UBE2E3: variants seen among roughly 807,000 people sequenced by gnomAD.
The protein encoded by UBE2E3 is ubiquitin-conjugating enzyme E2 E3.
Under a neutral mutation model 23.6 loss-of-function variants are expected in UBE2E3, and 5 were observed. That is an observed-to-expected ratio of 0.21 (90% CI 0.11 to 0.44). The LOEUF is 0.44. UBE2E3 is among the 20% of genes least tolerant of loss of function. UBE2E3 has a pLI of 0.99. For missense variants in UBE2E3, 81 were observed against 249.8 expected, an observed-to-expected ratio of 0.32 and a Z score of 4.55; for synonymous variants, 78 against 87.5, an observed-to-expected ratio of 0.89 and a Z score of 0.60.
At chr2:181,059,939 G>A (rs1320103295) in intron 4 of UBE2E3, among the ~76,000 whole-genome samples, 3 of 151,362 alleles carry the variant, frequency 2.0e-5, no homozygotes, top group Non-Finnish European at 4.4e-5. Flanking sequence ...TTATGAATTA[G>A]CTATCCAATT....
At position 181,017,568 on chromosome 2, in the gene UBE2E3, A is replaced by G. The variant is rs552368783; in HGVS notation, c.245+33475A>G. On this transcript the variant is annotated intron_variant, in intron 3 of 5. Transcript: ENST00000410062. ...AGTCACCTCATGGAAATGCGGTAAT[A>G]TGCATACCATCCTTTTGGGAAATGT... Among the ~76,000 whole-genome samples the G allele has an allele frequency of 9.2e-5, 14 of 151,838 alleles. No homozygotes were observed. The East Asian group carries it at 2.5e-3, about 27-fold the overall frequency.
intron 3 of UBE2E3, among the ~76,000 whole-genome samples, chr2:181,029,659 C>CTTTTTTTTTTTTTTTTTTT: frequency 8.6e-6 from 1 of 116,844 alleles, no homozygotes; most frequent in East Asian, 2.7e-4. Flanking sequence ...TGTAGACAAT[C>CTTTTTTTTTTTTTTTTTTT]TTTTTTTTTT....
intron 3 of UBE2E3, among the ~76,000 whole-genome samples, chr2:181,032,181 C>CT (rs375573781): frequency 6.6e-6 from 1 of 152,082 alleles, no homozygotes; most frequent in Non-Finnish European, 1.5e-5. Context: ...GCAAAATTAA[C>CT]TTTTTTTGTT....
intron 3 of UBE2E3, among the ~76,000 whole-genome samples, chr2:181,057,082 A>C (rs1226848163): frequency 6.6e-6 from 1 of 151,744 alleles, no homozygotes; most frequent in Non-Finnish European, 1.5e-5. Flanking sequence ...AAAGTTAAAG[A>C]AAGGCGGAAA....
At chr2:181,042,463 A>G (rs915532274) in intron 3 of UBE2E3, among the ~76,000 whole-genome samples, 3 of 152,184 alleles carry the variant, frequency 2.0e-5, no homozygotes, top group East Asian at 3.8e-4. Flanking sequence ...AAGTCCTTCT[A>G]TTTATTAATT....
chr2:181,015,801 T>C lies in UBE2E3; in HGVS notation c.245+31708T>C, dbSNP rs533420917. Among the ~76,000 whole-genome samples the C allele has an allele frequency of 3.3e-5, 5 of 152,214 alleles. No individual in the cohort carries two copies. In the East Asian group the frequency reaches 9.6e-4, roughly 29 times the overall value. On this transcript the variant is annotated intron_variant, in intron 3 of 5. Coordinates refer to ENST00000410062, the MANE Select transcript of UBE2E3 (RefSeq NM_006357.4). ...ACTGGAGTATAATCACTAAAATGAT[T>C]ACATGGTCCTTGTTCCATATACTAG...
At chr2:181,005,091 G>A (rs1292377334) in intron 3 of UBE2E3, among the ~76,000 whole-genome samples, 3 of 152,178 alleles carry the variant, frequency 2.0e-5, no homozygotes, top group Non-Finnish European at 4.4e-5. Flanking sequence ...AACCAAACCA[G>A]CTTAAGTAAA....
chr2:181,006,613 A>C (rs1479022491), intron 3 of UBE2E3, among the ~76,000 whole-genome samples: 1 of 152,110 alleles, frequency 6.6e-6, no homozygotes, highest in African/African-American at 2.4e-5. Flanking sequence ...TTAACTGAGT[A>C]GTTTCTGTTT....
chr2:181,061,545 T>C (rs1248926911), intron 5 of UBE2E3, among the ~76,000 whole-genome samples: 3 of 151,636 alleles, frequency 2.0e-5, no homozygotes, highest in African/African-American at 7.3e-5. Flanking sequence ...TGTTCTCCCT[T>C]CCTTTTTTAA....
intron 3 of UBE2E3, among the ~76,000 whole-genome samples, chr2:180,996,274 C>T (rs1436268000): frequency 1.3e-5 from 2 of 152,144 alleles, no homozygotes; most frequent in Non-Finnish European, 2.9e-5. Flanking sequence ...TTGTTTCAAA[C>T]ATGACATTCT....
chr2:181,037,702 T>A, intron 3 of UBE2E3, among the ~76,000 whole-genome samples: 1 of 152,160 alleles, frequency 6.6e-6, no homozygotes, highest in East Asian at 1.9e-4. Context: ...ACAGCCAGGC[T>A]CACACCTGTA....
intron 3 of UBE2E3, among the ~76,000 whole-genome samples, chr2:180,996,195 C>A (rs980486754): frequency 6.6e-6 from 1 of 152,092 alleles, no homozygotes; most frequent in Non-Finnish European, 1.5e-5. Context: ...TATAACAATG[C>A]GAGTACATAC....
At chr2:181,001,221 G>A (rs1018854192) in intron 3 of UBE2E3, among the ~76,000 whole-genome samples, 15 of 152,252 alleles carry the variant, frequency 9.9e-5, no homozygotes, top group African/African-American at 3.1e-4. Flanking sequence ...TTAGAAACAT[G>A]AGTTACTACA....
rs189891717 is a variant in UBE2E3 at position 181,037,225 on chromosome 2, A to G, written c.246-20468A>G. Among the ~76,000 whole-genome samples the G allele has an allele frequency of 2.0e-5, 3 of 152,370 alleles. No homozygotes were observed. In the East Asian group the frequency reaches 5.8e-4, roughly 29 times the overall value. ...TATAATTATATGTAGTACATACTTG[A>G]TAATAAACAACTGTGTTCCTGGTTT... is the stretch of plus-strand genomic sequence containing the variant. On this transcript the variant is annotated intron_variant, in intron 3 of 5. Coordinates refer to ENST00000410062, the MANE Select transcript of UBE2E3 (RefSeq NM_006357.4).
chr2:180,985,694 C>T (rs1315381223), intron 3 of UBE2E3, among the ~76,000 whole-genome samples: 1 of 152,090 alleles, frequency 6.6e-6, no homozygotes, highest in African/African-American at 2.4e-5. Context: ...AATCACTTAA[C>T]TTGCAGAGTG....
rs528681861 is a variant in UBE2E3 at position 181,061,109 on chromosome 2, CT to C, written c.526+321del. Reference sequence around the variant, plus strand: ...AAGTATTTAGGTGCACAGACCACTTCTTTTTTTTTTTTTTTTTTTTTTTTGA... The same window carrying C: ...AAGTATTTAGGTGCACAGACCACTTCTTTTTTTTTTTTTTTTTTTTTTTGA... On this transcript the variant is annotated intron_variant, in intron 5 of 5. Transcript: ENST00000410062. 2.3e-4 allele frequency among the ~76,000 whole-genome samples: 8 copies of C among 35,246 alleles called. 1 individual carries two copies. Among genetic ancestry groups the C allele is most frequent in the Admixed American group, 3.7e-4 (1 of 2,736 alleles). The allele number at this position is 35,246 out of a possible 152,430, so 23.1% of individuals were successfully genotyped here. A position where few individuals can be genotyped will look rare whatever the true frequency, so the allele number is the denominator to read the frequency against.
In UBE2E3 at chr2:180,982,197, C is replaced by T. The variant is rs1393524691; in HGVS notation, c.155C>T (p.Ser52Phe). 1 of 1,612,026 alleles carries T rather than the reference C, an allele frequency of 6.2e-7. No individual in the cohort carries two copies. The highest frequency in any genetic ancestry group is 1.3e-5 in the African/African-American group (1 of 74,726). Residue 52 changes from serine (S) to phenylalanine (F), a missense_variant, in exon 2 of 6, where the codon TCT becomes TTT. Transcript: ENST00000410062. ...CAGCAGAAGAAAAACACCAAACTCT[C>T]TAGCAAAACCACTGCTAAGTTATCC... ...ATQQKKNTKL[S>F]SKTTAKLSTS...
chr2:181,001,052 C>T (rs185130742), intron 3 of UBE2E3, among the ~76,000 whole-genome samples: 11 of 152,308 alleles, frequency 7.2e-5, no homozygotes, highest in African/African-American at 2.4e-4. Flanking sequence ...ATATGACACA[C>T]TGACTCTTAA....
At chr2:181,000,819 G>T (rs1056493117) in intron 3 of UBE2E3, among the ~76,000 whole-genome samples, 1 of 152,172 alleles carries the variant, frequency 6.6e-6, no homozygotes, top group Non-Finnish European at 1.5e-5. Flanking sequence ...CTTCCAAAGT[G>T]AGAGTAACTT....
Sources: allele counts gnomAD v4.1 joint callset (sites outside exome capture counted in the v4.1 genomes callset), GRCh38; gene constraint gnomAD v4.1.1; transcripts MANE v1.5; gene names NCBI Gene and HGNC (gene_info 2026-07-23, HGNC 2026-07-21).